The following GIMAP5 variants were observed in gnomAD, a reference collection of about 807,000 sequenced individuals.
GIMAP5 encodes GTPase IMAP family member 5.
Under a neutral mutation model 9.9 loss-of-function variants are expected in GIMAP5, and 8 were observed. The observed-to-expected ratio is 0.81, with a 90% CI of 0.47 to 1.45. The LOEUF (loss-of-function observed/expected upper bound fraction) is 1.45. Ranked by LOEUF, GIMAP5 falls within the 40% of genes most tolerant of loss-of-function variation. The pLI, the probability that GIMAP5 is intolerant of heterozygous loss-of-function variation, is 0.00. For missense variants in GIMAP5, 353 were observed against 367.4 expected (o/e 0.96, Z 0.32); for synonymous variants, 174 against 151.4 (o/e 1.15, Z -1.09).
At position 150,737,654 on chromosome 7, in the gene GIMAP5, G is replaced by A. The variant is rs779139379; in HGVS notation, c.-61G>A. 4.8e-5 allele frequency: 74 copies of A among 1,535,558 alleles called. No homozygotes were observed. The highest frequency in any genetic ancestry group is 3.1e-4 in the South Asian group (26 of 84,064). ...TTCACCTTCCTGAGAGAGGACCAGC[G>A]GCCAGAGCCTCAGTGACTGCCACCC... is the stretch of plus-strand genomic sequence containing the variant. On this transcript the variant is annotated 5_prime_UTR_variant, in exon 1 of 3. Coordinates refer to ENST00000358647, the MANE Select transcript of GIMAP5 (RefSeq NM_018384.5).
At position 150,742,436 on chromosome 7, in the gene GIMAP5, C is replaced by T. The variant is rs1478282848; in HGVS notation, c.297C>T (p.Asn99=). 3 of 1,614,172 alleles carry T rather than the reference C, an allele frequency of 1.9e-6. No homozygotes were observed. The highest frequency in any genetic ancestry group is 4.5e-5 in the East Asian group (2 of 44,884). ...CCGATACCCAAGAGCTGTACAAGAACATCGGGGACTGCTACCTGCTCTCTG... is the reference window on the plus strand; with the variant it reads ...CCGATACCCAAGAGCTGTACAAGAATATCGGGGACTGCTACCTGCTCTCTG... ...SQADTQELYK[N]IGDCYLLSAP... The change falls in exon 3 of 3, where the codon AAC becomes AAT. Residue 99 remains asparagine (N), a synonymous_variant. Coordinates refer to ENST00000358647, the MANE Select transcript of GIMAP5 (RefSeq NM_018384.5).
In GIMAP5 at chr7:150,737,478, A is replaced by G; in HGVS notation, c.-237A>G. On this transcript the variant is annotated 5_prime_UTR_variant, in exon 1 of 3. Coordinates refer to ENST00000358647, the MANE Select transcript of GIMAP5 (RefSeq NM_018384.5). ...CGCAGAGGTGTGGGGGACACACTCC[A>G]TAATCTCTACTTTTCTTTTTGTGCA... 2 of 1,524,594 alleles carry G rather than the reference A, an allele frequency of 1.3e-6. No individual in the cohort carries two copies. The highest frequency in any genetic ancestry group is 1.2e-5 in the South Asian group (1 of 83,794). The allele number at this position is 1,524,594 out of a possible 1,614,324, so 94.4% of individuals were successfully genotyped here.
chr7:150,742,549 T>G lies in GIMAP5; in HGVS notation c.410T>G (p.Val137Gly), dbSNP rs1051756770. ...DTVAIRKVKE[V>G]FGTGAMRHVV... The stretch of plus-strand genomic sequence containing the variant: ...GTGGCCATCAGGAAGGTGAAAGAGG[T>G]CTTTGGGACAGGGGCCATGAGACAT... The change falls in exon 3 of 3, where the codon GTC becomes GGC. Residue 137 changes from valine to glycine, a missense_variant. Val to Gly is a moderately radical substitution (Grantham distance 109). Coordinates refer to ENST00000358647, the MANE Select transcript of GIMAP5 (RefSeq NM_018384.5). 6.2e-7 allele frequency: 1 copy of G among 1,612,910 alleles called. No homozygotes were observed. The highest frequency in any genetic ancestry group is 1.3e-5 in the African/African-American group (1 of 74,548).
At position 150,743,232 on chromosome 7, in the gene GIMAP5, C is replaced by A; in HGVS notation, c.*169C>A. 2 of 819,746 alleles carry A rather than the reference C, an allele frequency of 2.4e-6. No individual in the cohort carries two copies. The highest frequency in any genetic ancestry group is 3.7e-6 in the Non-Finnish European group (2 of 538,976). 50.8% of individuals were successfully genotyped at this position (819,746 alleles called of 1,614,324 possible). A position where few individuals can be genotyped will look rare whatever the true frequency, so the allele number is the denominator to read the frequency against. ...GACTTGGAGCTGTGTGCCTCCACTC[C>A]AAGGCTGCCTGCCTGCTGTAAACAC... On this transcript the variant is annotated 3_prime_UTR_variant, in exon 3 of 3. Transcript: ENST00000358647.
intron 1 of GIMAP5, 189 bp from the exon 2 acceptor site, chr7:150,740,690 T>C: frequency 1.7e-6 from 1 of 576,450 alleles, no homozygotes; most frequent in African/African-American, 1.9e-5. Context: ...TAACCTAACA[T>C]CTAACATCAC....
chr7:150,743,408 G>C lies in GIMAP5; in HGVS notation c.*345G>C. On this transcript the variant is annotated 3_prime_UTR_variant, in exon 3 of 3. Transcript: ENST00000358647. Reference sequence around the variant, plus strand: ...TCCTCCCTGGCATTGTGGGGTCTGGGCGTGACACTGGGACTCTCAGCAGCT... The same window carrying C: ...TCCTCCCTGGCATTGTGGGGTCTGGCCGTGACACTGGGACTCTCAGCAGCT... The C allele has an allele frequency of 4.2e-6, 1 of 238,172 alleles. No homozygotes were observed. Among genetic ancestry groups the C allele is most frequent in the Non-Finnish European group, 8.3e-6 (1 of 120,698 alleles). 14.8% of individuals were successfully genotyped at this position (238,172 alleles called of 1,614,324 possible).
Position 150,742,914 on chromosome 7 carries a change from G to C in GIMAP5, c.775G>C (p.Glu259Gln). Residue 259 changes from glutamate (E) to glutamine (Q), a missense_variant, in exon 3 of 3, where the codon GAG (glutamate) becomes CAG (glutamine). Transcript: ENST00000358647. ...VEWQVEKHKQ[E>Q]LRENESNWAY... ...ATGGCAGGTGGAGAAGCACAAGCAA[G>C]AGCTGAGGGAGAACGAGAGTAACTG... The C allele has an allele frequency of 1.2e-6, 2 of 1,614,260 alleles. No individual in the cohort carries two copies. The highest frequency in any genetic ancestry group is 8.5e-7 in the Non-Finnish European group (1 of 1,180,052).
At chr7:150,739,701 AAAAG>A (rs1188807678) in intron 1 of GIMAP5, 1 of 152,138 alleles carries the variant, frequency 6.6e-6, no homozygotes. Flanking sequence ...GGGCTTAAGA[AAAAG>A]AAAGAAAGGA....
At chr7:150,737,819 G>A (rs1218790374) in intron 1 of GIMAP5, 111 bp downstream of exon 1, 1 of 874,764 alleles carries the variant, frequency 1.1e-6, no homozygotes, top group Non-Finnish European at 1.8e-6. Context: ...CTCACTTCTG[G>A]GTTCGCTGGT....
chr7:150,741,372 C>T (rs1213257928), intron 2 of GIMAP5, among the ~76,000 whole-genome samples: 2 of 152,152 alleles, frequency 1.3e-5, no homozygotes, highest in Non-Finnish European at 1.5e-5. Context: ...AAATGCACTT[C>T]GAATTCATTT....
Position 150,742,739 on chromosome 7 carries a change from G to A in GIMAP5, c.600G>A (p.Gln200=). The part of the protein sequence containing the change: ...WGSVEEQRQQ[Q]AELLAVIERL... ...CTGTGGAGGAGCAGAGGCAGCAGCA[G>A]GCAGAGCTCCTGGCTGTGATTGAGA... The change falls in exon 3 of 3, where the codon CAG becomes CAA. Residue 200 remains glutamine, a synonymous_variant. Coordinates refer to ENST00000358647, the MANE Select transcript of GIMAP5 (RefSeq NM_018384.5). 1 of 1,614,202 alleles carries A rather than the reference G, an allele frequency of 6.2e-7. No individual in the cohort carries two copies. The highest frequency in any genetic ancestry group is 1.3e-5 in the African/African-American group (1 of 75,046).
intron 1 of GIMAP5, 105 bp from the exon 2 acceptor site, chr7:150,740,774 C>T (rs1797582335): frequency 9.2e-7 from 1 of 1,081,312 alleles, no homozygotes; most frequent in East Asian, 2.4e-5. Context: ...GGAAATGGCT[C>T]ATTTGAGAAT....
At chr7:150,739,364 T>C (rs541034022) in intron 1 of GIMAP5, 1 of 152,372 alleles carries the variant, frequency 6.6e-6, no homozygotes, top group East Asian at 1.9e-4. Flanking sequence ...TAATGCTCAG[T>C]TTCCTTGCAT....
intron 1 of GIMAP5, 84 bp from the exon 2 acceptor site, chr7:150,740,795 A>C (rs962309467): frequency 7.8e-7 from 1 of 1,278,818 alleles, no homozygotes; most frequent in African/African-American, 1.5e-5. Flanking sequence ...GATTATTCTT[A>C]GATGTCTGAA....
chr7:150,738,890 A>G (rs921023554), intron 1 of GIMAP5: 80 of 152,252 alleles, frequency 5.3e-4, no homozygotes, highest in African/African-American at 1.9e-3. Context: ...TCACCTGTGA[A>G]CACTTTGTTA....
intron 1 of GIMAP5, chr7:150,739,642 T>A (rs1319755978): frequency 6.6e-6 from 1 of 152,030 alleles, no homozygotes; most frequent in Non-Finnish European, 1.5e-5. Context: ...GAAGCATAAT[T>A]TACCAGAGAC....
chr7:150,739,806 A>G (rs1797568601), intron 1 of GIMAP5: 1 of 152,212 alleles, frequency 6.6e-6, no homozygotes, highest in Non-Finnish European at 1.5e-5. Flanking sequence ...CTGATAATAT[A>G]AAAATAGATT....
Position 150,742,708 on chromosome 7 carries a change from G to A in GIMAP5, c.569G>A (p.Trp190Ter). The change falls in exon 3 of 3, where the codon TGG (tryptophan) becomes TAG (stop). Residue 190 changes from tryptophan to a stop codon, truncating the protein, a stop_gained. Transcript: ENST00000358647. LOFTEE classifies it low-confidence loss of function (END_TRUNC). Reference protein sequence around the residue: ...CERRYCAFNNWGSVEEQRQQQ... With the variant: ...CERRYCAFNN ...AGAAGGTACTGTGCCTTCAACAACT[G>A]GGGCTCTGTGGAGGAGCAGAGGCAG... 6.2e-7 allele frequency: 1 copy of A among 1,614,194 alleles called. No individual in the cohort carries two copies. The highest frequency in any genetic ancestry group is 8.5e-7 in the Non-Finnish European group (1 of 1,180,028).
chr7:150,742,951 C>A lies in GIMAP5; in HGVS notation c.812C>A (p.Ala271Glu). Residue 271 changes from alanine (A) to glutamate (E), a missense_variant, in exon 3 of 3, where the codon GCG (alanine) becomes GAG (glutamate). Transcript: ENST00000358647. ...RENESNWAYK[A>E]LLRVKHLMLL... is the part of the protein sequence containing the mutation. The stretch of plus-strand genomic sequence containing the variant: ...AACGAGAGTAACTGGGCATACAAGG[C>A]GCTCCTCAGAGTCAAACACTTGATG... 6.2e-7 allele frequency: 1 copy of A among 1,614,174 alleles called. No individual in the cohort carries two copies. The highest frequency in any genetic ancestry group is 8.5e-7 in the Non-Finnish European group (1 of 1,180,038).
Sources: allele counts gnomAD v4.1 joint callset (sites outside exome capture counted in the v4.1 genomes callset), GRCh38; gene constraint gnomAD v4.1.1; transcripts MANE v1.5; gene names NCBI Gene and HGNC (gene_info 2026-07-23, HGNC 2026-07-21).